TOM1L2: variants seen among roughly 807,000 people sequenced by gnomAD.
TOM1L2 encodes TOM1-like protein 2.
In TOM1L2, 31 loss-of-function variants were observed where a neutral mutation model predicts 67.9. That is an observed-to-expected ratio of 0.46 (90% CI 0.34 to 0.62). The LOEUF is 0.62. Ranked by LOEUF, TOM1L2 falls within the 20% of genes least tolerant of loss-of-function variation. The pLI is 0.01. For synonymous variants in TOM1L2, 256 were observed against 254.0 expected (o/e 1.01, Z -0.07); for missense variants, 606 against 663.5 (o/e 0.91, Z 0.95).
At chr17:17,960,166 A>G (rs2041624812) in intron 1 of TOM1L2, among the ~76,000 whole-genome samples, 1 of 150,570 alleles carries the variant, frequency 6.6e-6, no homozygotes, top group Non-Finnish European at 1.5e-5. Context: ...GACAACTATT[A>G]CTAGATTTTT....
At chr17:17,951,257 C>A (rs2041196539) in intron 1 of TOM1L2, among the ~76,000 whole-genome samples, 1 of 152,226 alleles carries the variant, frequency 6.6e-6, no homozygotes, top group Admixed American at 6.5e-5. Context: ...CTAACTCTGG[C>A]AGGGACCAGA....
chr17:17,897,204 G>A (rs1217853609), intron 3 of TOM1L2, among the ~76,000 whole-genome samples: 1 of 152,206 alleles, frequency 6.6e-6, no homozygotes, highest in Non-Finnish European at 1.5e-5. Context: ...CTCGTGATAT[G>A]AGTTATTGAA....
chr17:17,894,994 T>TGC (rs3075553), intron 3 of TOM1L2, among the ~76,000 whole-genome samples: 5 of 151,882 alleles, frequency 3.3e-5, no homozygotes, highest in African/African-American at 1.2e-4. Flanking sequence ...CATGCATGCA[T>TGC]AAAATAATGC....
intron 2 of TOM1L2, among the ~76,000 whole-genome samples, chr17:17,903,545 G>A (rs983128753): frequency 2.6e-5 from 4 of 151,462 alleles, no homozygotes; most frequent in East Asian, 1.9e-4. Context: ...CCCGGGAGGC[G>A]GAGCTTGCAG....
intron 1 of TOM1L2, among the ~76,000 whole-genome samples, chr17:17,966,196 CT>C (rs2145067591): frequency 6.6e-6 from 1 of 152,266 alleles, no homozygotes; most frequent in East Asian, 1.9e-4. Context: ...GAGGTCACCC[CT>C]CCCCTCCTAC....
At chr17:17,875,213 G>A (rs2037361733) in intron 7 of TOM1L2, among the ~76,000 whole-genome samples, 1 of 151,278 alleles carries the variant, frequency 6.6e-6, no homozygotes, top group South Asian at 2.1e-4. Flanking sequence ...CCAAGATCAT[G>A]GCATTGCACT....
intron 12 of TOM1L2, among the ~76,000 whole-genome samples, chr17:17,854,119 C>A (rs1211784476): frequency 6.6e-6 from 1 of 152,202 alleles, no homozygotes; most frequent in East Asian, 1.9e-4. Context: ...TGTGGCCAGA[C>A]ACAAAACCTT....
intron 7 of TOM1L2, among the ~76,000 whole-genome samples, chr17:17,875,655 T>C (rs914404877): frequency 6.6e-6 from 1 of 152,208 alleles, no homozygotes; most frequent in African/African-American, 2.4e-5. Context: ...TTGGTAAATA[T>C]CCTCTTTTTT....
intron 1 of TOM1L2, among the ~76,000 whole-genome samples, chr17:17,947,060 G>C (rs1180048252): frequency 1.3e-5 from 2 of 151,594 alleles, no homozygotes; most frequent in African/African-American, 4.9e-5. Context: ...GTGCCTCAGG[G>C]TTAGGAAAGT....
At chr17:17,907,132 G>A (rs992172926) in intron 2 of TOM1L2, among the ~76,000 whole-genome samples, 3 of 152,354 alleles carry the variant, frequency 2.0e-5, no homozygotes, top group Middle Eastern at 6.8e-3. Context: ...GGGGAGGGAC[G>A]AGGTGACACT....
intron 1 of TOM1L2, among the ~76,000 whole-genome samples, chr17:17,957,365 A>G (rs1374961566): frequency 1.3e-5 from 2 of 152,212 alleles, no homozygotes; most frequent in Admixed American, 1.3e-4. Flanking sequence ...AAAAGAGCAT[A>G]TACTGTATGA....
intron 13 of TOM1L2, among the ~76,000 whole-genome samples, chr17:17,850,229 TGA>T (rs1302820382): frequency 6.6e-6 from 1 of 152,186 alleles, no homozygotes; most frequent in African/African-American, 2.4e-5. Context: ...ACTGGGCTGC[TGA>T]GAGTGAAAGT....
intron 10 of TOM1L2, among the ~76,000 whole-genome samples, chr17:17,864,508 CTTTTTTT>C (rs1170977424): frequency 2.1e-5 from 3 of 139,894 alleles, no homozygotes; most frequent in Non-Finnish European, 4.7e-5. Flanking sequence ...CCGCACCCGG[CTTTTTTT>C]TTTTTTTCTT....
At position 17,878,029 on chromosome 17, in the gene TOM1L2, CT is replaced by C. The variant is rs557081943; in HGVS notation, c.777+1597del. Among the ~76,000 whole-genome samples, 24 of 152,114 alleles carry C rather than the reference CT, an allele frequency of 1.6e-4. No homozygotes were observed. In the East Asian group the frequency reaches 4.2e-3, roughly 27 times the overall value. On this transcript the variant is annotated intron_variant, in intron 7 of 14. Transcript: ENST00000379504. ...CGGCTCTATCCAGAGCAAATCCCCC[CT>C]GTCAGCAGGAATTCCGACGCTGACA...
Position 17,907,300 on chromosome 17 carries a change from T to C in TOM1L2, c.137+147A>G, listed in dbSNP as rs1046645881. 51 of 663,846 alleles carry C rather than the reference T, an allele frequency of 7.7e-5. 1 individual carries two copies. The Middle Eastern group carries it at 6.4e-3, about 84-fold the overall frequency. The allele number at this position is 663,846 out of a possible 1,614,324, so 41.1% of individuals were successfully genotyped here. On this transcript the variant is annotated intron_variant, in intron 2 of 14. Transcript: ENST00000379504. ...GAGGGATGAAGACAAAAAGGACAGA[T>C]AATTCAGAGTGTCAGCTTATTCGAT...
chr17:17,969,685 G>A (rs193184127), intron 1 of TOM1L2, among the ~76,000 whole-genome samples: 11 of 152,206 alleles, frequency 7.2e-5, no homozygotes, highest in Admixed American at 3.9e-4. Context: ...GGTCACAGAC[G>A]GGCCAGTTGT....
chr17:17,929,380 G>A (rs2040233419), intron 1 of TOM1L2, among the ~76,000 whole-genome samples: 2 of 152,350 alleles, frequency 1.3e-5, no homozygotes, highest in South Asian at 2.1e-4. Context: ...GCTCACGCCT[G>A]TAATCCCAGC....
intron 1 of TOM1L2, among the ~76,000 whole-genome samples, chr17:17,970,455 GAAAGGAAAACAA>G (rs1335555719): frequency 4.0e-5 from 6 of 151,690 alleles, no homozygotes; most frequent in African/African-American, 1.2e-4. Flanking sequence ...AAAGGGGACA[GAAAGGAAAACAA>G]TTCTCGCAAG....
rs1165277862 is a variant in TOM1L2, at chr17:17,869,511, G to A, written c.778-38C>T. ...TGCACCTCTGGGTAGCCTGCTGGGT[G>A]TGCTTTTCGTCACATTCTATCTCCT... On this transcript the variant is annotated intron_variant, in intron 7 of 14. Transcript: ENST00000379504. 19 of 1,560,258 alleles carry A rather than the reference G, an allele frequency of 1.2e-5. No homozygotes were observed. In the East Asian group the frequency reaches 4.1e-4, roughly 33 times the overall value.
Sources: gnomAD v4.1 joint callset for allele counts (sites outside exome capture counted in the v4.1 genomes callset) on GRCh38, gnomAD v4.1.1 for gene constraint, MANE v1.5 for transcripts, NCBI Gene and HGNC (gene_info 2026-07-23, HGNC 2026-07-21) for gene names.